Variants in TSEN2 observed in about 807,000 individuals in gnomAD.
TSEN2 encodes tRNA splicing endonuclease subunit 2.
In TSEN2, 54 loss-of-function variants were observed where a neutral mutation model predicts 59.2. The ratio of observed to expected loss-of-function variants is 0.91; its 90% confidence interval spans 0.73 to 1.14. The LOEUF (loss-of-function observed/expected upper bound fraction) is 1.14. Among genes scored for constraint, TSEN2 ranks in the 50% most tolerant of loss-of-function variants. The probability of loss-of-function intolerance (pLI) is 0.00; values close to 1 mark genes in which losing one functional copy is unlikely to be tolerated. For synonymous variants in TSEN2, 195 were observed against 198.2 expected, an observed-to-expected ratio of 0.98 and a Z score of 0.14; for missense variants, 636 against 576.2, an observed-to-expected ratio of 1.10 and a Z score of -1.06.
chr3:12,503,820 C>T (rs2054546707), intron 5 of TSEN2, 36 bp downstream of exon 5: 4 of 1,600,894 alleles, frequency 2.5e-6, no homozygotes, highest in East Asian at 4.5e-5. Flanking sequence ...CCTCCAAAGC[C>T]ATCCGTTCCT....
At chr3:12,497,647 A>G (rs2053885516) in intron 4 of TSEN2, among the ~76,000 whole-genome samples, 1 of 152,222 alleles carries the variant, frequency 6.6e-6, no homozygotes, top group Admixed American at 6.5e-5. Context: ...CATCCTGGCT[A>G]GGCTGGCCAC....
At chr3:12,534,980 CAAAA>C (rs986357487), downstream of TSEN2, among the ~76,000 whole-genome samples, 1 of 151,338 alleles carries the variant, frequency 6.6e-6, no homozygotes, top group African/African-American at 2.4e-5. Context: ...AAAACAAAAA[CAAAA>C]AAAACCTGAA....
At chr3:12,537,980 C>T (rs1177920115), downstream of TSEN2, among the ~76,000 whole-genome samples, 1 of 152,062 alleles carries the variant, frequency 6.6e-6, no homozygotes, top group Non-Finnish European at 1.5e-5. Context: ...CATCTTTACC[C>T]TCTGGGGTTT....
intron 4 of TSEN2, among the ~76,000 whole-genome samples, chr3:12,497,299 C>T (rs2053851194): frequency 6.6e-6 from 1 of 152,218 alleles, no homozygotes; most frequent in Admixed American, 6.5e-5. Context: ...TGATACAGTA[C>T]AGCTCTTCCA....
At chr3:12,508,740 G>C (rs984052978) in intron 6 of TSEN2, among the ~76,000 whole-genome samples, 7 of 152,180 alleles carry the variant, frequency 4.6e-5, no homozygotes, top group African/African-American at 1.7e-4. Flanking sequence ...GCTATAAACT[G>C]TATTTACCTC....
chr3:12,528,305 G>C lies in TSEN2; in HGVS notation c.1100-583G>C, dbSNP rs77277151. On this transcript the variant is annotated intron_variant, in intron 8 of 11. Transcript: ENST00000284995. ...GAGTGTAAGACAAGAGGCAAGGCAA[G>C]ATTGCCTGTACTTTGACTTTGGAAT... is the stretch of plus-strand genomic sequence containing the variant. Among the ~76,000 whole-genome samples the C allele has an allele frequency of 8.3e-3, 1,265 of 152,366 alleles. 17 individuals carry two copies. Among genetic ancestry groups the C allele is most frequent in the African/African-American group, 0.029 (1,209 of 41,582 alleles).
At chr3:12,493,823 T>C (rs1285355236) in intron 3 of TSEN2, among the ~76,000 whole-genome samples, 1 of 152,244 alleles carries the variant, frequency 6.6e-6, no homozygotes, top group Non-Finnish European at 1.5e-5. Context: ...TAAAAGTTTT[T>C]CATTTTAATG....
rs777047069 is a variant in TSEN2 at position 12,529,867 on chromosome 3, C to T, written c.1242C>T (p.Val414=). The T allele has an allele frequency of 1.2e-6, 2 of 1,613,878 alleles. No individual in the cohort carries two copies. Among genetic ancestry groups the T allele is most frequent in the Non-Finnish European group, 8.5e-7 (1 of 1,179,992 alleles). Residue 414 remains valine (V), a synonymous_variant, in exon 10 of 12, where the codon GTC becomes GTT. Coordinates refer to ENST00000284995, the MANE Select transcript of TSEN2 (RefSeq NM_025265.4). ...LAALSRVSVN[V]SKELMLCYLI... ...CCTTGAGCAGAGTTTCCGTTAATGT[C>T]TCTAAGGTAACACAACATCAGCTTT... is the stretch of plus-strand genomic sequence containing the variant.
chr3:12,515,850 C>T (rs544453595), intron 6 of TSEN2, among the ~76,000 whole-genome samples: 1 of 152,094 alleles, frequency 6.6e-6, no homozygotes, highest in South Asian at 2.1e-4. Context: ...GCAAAATCAG[C>T]ACTGCCCCAC....
chr3:12,487,397 C>G (rs993364994), intron 1 of TSEN2, among the ~76,000 whole-genome samples: 1 of 152,178 alleles, frequency 6.6e-6, no homozygotes, highest in African/African-American at 2.4e-5. Context: ...TGACAGCAGT[C>G]TGAGAGGGAA....
At chr3:12,535,681 G>A (rs1443352843), downstream of TSEN2, among the ~76,000 whole-genome samples, 2 of 152,010 alleles carry the variant, frequency 1.3e-5, no homozygotes, top group East Asian at 1.9e-4. Context: ...ACAAGTGCCC[G>A]CCACCATGCC....
intron 6 of TSEN2, among the ~76,000 whole-genome samples, chr3:12,513,534 C>G (rs997700289): frequency 5.3e-5 from 8 of 152,190 alleles, no homozygotes; most frequent in African/African-American, 1.7e-4. Flanking sequence ...GCATTATTAT[C>G]CCCATTGTAT....
At chr3:12,511,891 A>G (rs894648993) in intron 6 of TSEN2, among the ~76,000 whole-genome samples, 2 of 152,210 alleles carry the variant, frequency 1.3e-5, no homozygotes, top group African/African-American at 4.8e-5. Flanking sequence ...AGATATGGAT[A>G]AGTTCTTCTA....
chr3:12,516,234 C>G (rs1355540839), intron 6 of TSEN2, among the ~76,000 whole-genome samples: 2 of 151,956 alleles, frequency 1.3e-5, no homozygotes, highest in African/African-American at 4.8e-5. Flanking sequence ...ACCATCCTGG[C>G]TAACACTGTG....
downstream of TSEN2, among the ~76,000 whole-genome samples, chr3:12,538,424 G>C (rs975257295): frequency 6.6e-6 from 1 of 152,078 alleles, no homozygotes; most frequent in Non-Finnish European, 1.5e-5. Context: ...CCAGTGGCAA[G>C]TATCTGATTG....
At position 12,503,517 on chromosome 3, in the gene TSEN2, G is replaced by T. The variant is rs1161930601; in HGVS notation, c.564G>T (p.Glu188Asp). 1.9e-6 allele frequency: 3 copies of T among 1,613,594 alleles called. No individual in the cohort carries two copies. The African/African-American group carries it at 4.0e-5, about 22-fold the overall frequency. The change falls in exon 5 of 12, where the codon GAG becomes GAT. Residue 188 changes from glutamate (E) to aspartate (D), a missense_variant. By Grantham distance (45) the Glu-to-Asp change is conservative. Transcript: ENST00000284995. ...GKSGGVGDPR[E>D]PLGCLQEGSG... ...CAGGTGGTGTGGGTGATCCCCGTGA[G>T]CCATTAGGCTGCCTGCAGGAGGGCT...
In TSEN2 at chr3:12,519,184, C is replaced by T. The variant is rs563003395; in HGVS notation, c.1086C>T (p.Tyr362=). The change falls in exon 8 of 12, where the codon TAC becomes TAT. Residue 362 remains tyrosine (Y), a synonymous_variant. Coordinates refer to ENST00000284995, the MANE Select transcript of TSEN2 (RefSeq NM_025265.4). ...KGWVPKVGLK[Y]GTDLLLYRKG... is the part of the protein sequence containing the mutation. The stretch of plus-strand genomic sequence containing the variant: ...GGGTGCCCAAAGTGGGACTCAAGTA[C>T]GGGACAGATTTACGTAAGTAATTCT... 18 of 1,614,130 alleles carry T rather than the reference C, an allele frequency of 1.1e-5. No individual in the cohort carries two copies. The highest frequency in any genetic ancestry group is 5.3e-5 in the African/African-American group (4 of 75,012).
intron 1 of TSEN2, among the ~76,000 whole-genome samples, chr3:12,487,458 G>T (rs2052735186): frequency 6.6e-6 from 1 of 152,148 alleles, no homozygotes. Flanking sequence ...TTTGTTGAGA[G>T]AATTTATTAG....
chr3:12,497,774 C>A (rs766740667), intron 4 of TSEN2, among the ~76,000 whole-genome samples: 1 of 152,174 alleles, frequency 6.6e-6, no homozygotes, highest in Non-Finnish European at 1.5e-5. Context: ...GTTTCATTGA[C>A]CCTTGTATTC....
Sources: allele counts gnomAD v4.1 joint callset (sites outside exome capture counted in the v4.1 genomes callset), GRCh38; gene constraint gnomAD v4.1.1; transcripts MANE v1.5; gene names NCBI Gene and HGNC (gene_info 2026-07-23, HGNC 2026-07-21).